RBFOX1: variants seen among roughly 807,000 people sequenced by gnomAD.
RBFOX1 encodes RNA binding protein fox-1 homolog 1.
RBFOX1 carries 8 observed loss-of-function variants against 57.7 expected under a neutral mutation model. That is an observed-to-expected ratio of 0.14 (90% CI 0.08 to 0.25). The LOEUF is 0.25. Among genes scored for constraint, RBFOX1 ranks in the 10% least tolerant of loss-of-function variants. The pLI, the probability that RBFOX1 is intolerant of heterozygous loss-of-function variation, is 1.00. For missense variants in RBFOX1, 611 were observed against 548.5 expected (o/e 1.11, Z -1.14); for synonymous variants, 326 against 222.4 (o/e 1.47, Z -4.15).
chr16:7,239,156 C>G (rs142188011), intron 4 of RBFOX1, among the ~76,000 whole-genome samples: 153 of 152,172 alleles, frequency 1.0e-3, no homozygotes, highest in African/African-American at 3.5e-3. Context: ...CTAAACCATG[C>G]AGTTTGATAT....
chr16:6,796,746 G>T (rs139650010), intron 3 of RBFOX1, among the ~76,000 whole-genome samples: 1 of 151,942 alleles, frequency 6.6e-6, no homozygotes, highest in South Asian at 2.1e-4. Context: ...GATCCTAAAC[G>T]CCCCATGAAG....
rs59299498 is a variant in RBFOX1 at position 6,974,336 on chromosome 16, C to CTTTTTTT, written c.-15-77701_-15-77695dup. ...ATATAAATCACATTTTTTTCTTTTT[C>CTTTTTTT]TTTTTTTTTTTTTTTTTTTTTTTTT... On this transcript the variant is annotated intron_variant, in intron 3 of 15. Transcript: ENST00000550418. Among the ~76,000 whole-genome samples, 250 of 58,688 alleles carry CTTTTTTT rather than the reference C, an allele frequency of 4.3e-3. 4 individuals carry two copies. The highest frequency in any genetic ancestry group is 6.6e-3 in the Admixed American group (24 of 3,614). The allele number at this position is 58,688 out of a possible 152,430, so 38.5% of individuals were successfully genotyped here.
At chr16:7,192,290 C>T (rs1024454027) in intron 4 of RBFOX1, among the ~76,000 whole-genome samples, 1 of 152,122 alleles carries the variant, frequency 6.6e-6, no homozygotes, top group African/African-American at 2.4e-5. Flanking sequence ...CCTTGTGAAT[C>T]TGACGTTAGG....
intron 3 of RBFOX1, among the ~76,000 whole-genome samples, chr16:5,814,565 A>G (rs2055554148): frequency 6.6e-6 from 1 of 152,234 alleles, no homozygotes. Context: ...GCCCAAGGTC[A>G]TGAAAGTAGT....
intron 2 of RBFOX1, among the ~76,000 whole-genome samples, chr16:6,464,306 G>A (rs1268669925): frequency 6.6e-6 from 1 of 152,148 alleles, no homozygotes; most frequent in African/African-American, 2.4e-5. Flanking sequence ...AATAATCTTT[G>A]AAGAGCTGCT....
chr16:7,616,588 G>C (rs1227147214), intron 10 of RBFOX1, among the ~76,000 whole-genome samples: 2 of 152,202 alleles, frequency 1.3e-5, no homozygotes, highest in African/African-American at 4.8e-5. Flanking sequence ...TTGGGATGGA[G>C]TCTCTCACTC....
At chr16:6,405,454 C>T (rs777867176) in intron 2 of RBFOX1, among the ~76,000 whole-genome samples, 1 of 152,134 alleles carries the variant, frequency 6.6e-6, no homozygotes, top group Admixed American at 6.5e-5. Flanking sequence ...CACCATCCCA[C>T]CACCGTATCA....
chr16:6,272,190 A>G (rs2097970967), intron 1 of RBFOX1, among the ~76,000 whole-genome samples: 1 of 152,194 alleles, frequency 6.6e-6, no homozygotes, highest in African/African-American at 2.4e-5. Flanking sequence ...CTGAAGAGAA[A>G]AATCATTCAC....
At chr16:6,711,727 C>G (rs1397131359) in intron 3 of RBFOX1, among the ~76,000 whole-genome samples, 1 of 152,152 alleles carries the variant, frequency 6.6e-6, no homozygotes, top group Non-Finnish European at 1.5e-5. Context: ...TGAGAATGGA[C>G]CGATACACTC....
At chr16:5,536,365 G>T (rs940942052) in intron 2 of RBFOX1, among the ~76,000 whole-genome samples, 2 of 151,308 alleles carry the variant, frequency 1.3e-5, no homozygotes, top group African/African-American at 4.9e-5. Context: ...CTGCTGAGTA[G>T]CTGGGATTAC....
At position 5,947,612 on chromosome 16, in the gene RBFOX1, C is replaced by A. The variant is rs1435390392; in HGVS notation, c.351+80277C>A. Among the ~76,000 whole-genome samples the A allele has an allele frequency of 6.6e-6, 1 of 152,198 alleles. No homozygotes were observed. The highest frequency in any genetic ancestry group is 6.5e-5 in the Admixed American group (1 of 15,282). ...TGCTGGGATTACATGCATGATCCAC[C>A]ATGTCTTGACCCTTCGATTTTAGGT... On this transcript the variant is annotated intron_variant, in intron 4 of 19. Coordinates refer to the RBFOX1 transcript ENST00000641259. This position sits in a 1 kb window ranked among gnomAD's most constrained non-coding sequence, Gnocchi z 7.2.
intron 4 of RBFOX1, among the ~76,000 whole-genome samples, chr16:7,187,690 C>CAAAAAAAAAAAAAAAAAAAAA (rs536529201): frequency 1.4e-5 from 1 of 72,566 alleles, no homozygotes. Context: ...CTCTGTCTCA[C>CAAAAAAAAAAAAAAAAAAAAA]AAAAAAAAAA....
At chr16:5,368,344 C>T (rs141295056) in intron 1 of RBFOX1, among the ~76,000 whole-genome samples, 5 of 152,296 alleles carry the variant, frequency 3.3e-5, no homozygotes, top group African/African-American at 1.2e-4. Context: ...TGGGCTACTG[C>T]AATATTAATG....
chr16:5,334,928 G>T (rs1376393317), intron 1 of RBFOX1, among the ~76,000 whole-genome samples: 1 of 152,058 alleles, frequency 6.6e-6, no homozygotes, highest in Non-Finnish European at 1.5e-5. Context: ...AGCATGGAAA[G>T]AATAGTTTTG....
At chr16:5,366,776 C>T (rs2065728604) in intron 1 of RBFOX1, 3 of 280,108 alleles carry the variant, frequency 1.1e-5, no homozygotes, top group South Asian at 7.9e-5. Flanking sequence ...TTTTGTAATG[C>T]AGAGTGATAA....
chr16:6,220,235 G>C (rs2052227), intron 1 of RBFOX1, among the ~76,000 whole-genome samples: 152,252 of 152,256 alleles, frequency 1, 76,124 homozygotes, highest in Non-Finnish European at 1. Flanking sequence ...TCCATTTATC[G>C]TCTATTTCTC....
intron 2 of RBFOX1, among the ~76,000 whole-genome samples, chr16:6,603,774 C>G (rs1567845113): frequency 1.3e-5 from 2 of 152,148 alleles, no homozygotes; most frequent in African/African-American, 2.4e-5. Context: ...GGGTTAACAT[C>G]TGAATCATTG....
chr16:6,777,767 T>A (rs2079623320), intron 3 of RBFOX1, among the ~76,000 whole-genome samples: 2 of 152,142 alleles, frequency 1.3e-5, no homozygotes, highest in Admixed American at 1.3e-4. Flanking sequence ...AAGTTGAATA[T>A]GATGAGAAAA....
intron 1 of RBFOX1, among the ~76,000 whole-genome samples, chr16:6,304,418 G>A (rs776310316): frequency 8.6e-5 from 13 of 151,954 alleles, no homozygotes; most frequent in African/African-American, 1.5e-4. Context: ...TCCCTCCTCC[G>A]TCTCACCTCC....
Sources: gnomAD v4.1 joint callset for allele counts (sites outside exome capture counted in the v4.1 genomes callset) on GRCh38, gnomAD v4.1.1 for gene constraint, Gnocchi (gnomAD v3.1) non-coding constraint, MANE v1.5 for transcripts, NCBI Gene and HGNC (gene_info 2026-07-23, HGNC 2026-07-21) for gene names.